Variants in PRELID2 observed in about 807,000 individuals in gnomAD.
PRELID2 encodes the protein PRELI domain containing 2, also known as PRELI domain-containing protein 2.
Under a neutral mutation model 28.4 loss-of-function variants are expected in PRELID2, and 25 were observed. That is an observed-to-expected ratio of 0.88 (90% CI 0.64 to 1.23). The LOEUF (loss-of-function observed/expected upper bound fraction) is 1.23. Ranked by LOEUF, PRELID2 falls within the 50% of genes most tolerant of loss-of-function variation. The pLI, the probability that PRELID2 is intolerant of heterozygous loss-of-function variation, is 0.00. For synonymous variants in PRELID2, 76 were observed against 71.6 expected, an observed-to-expected ratio of 1.06 and a Z score of -0.31; for missense variants, 201 against 214.4, an observed-to-expected ratio of 0.94 and a Z score of 0.39.
chr5:145,740,785 A>G (rs1229544296), intron 1 of PRELID2, among the ~76,000 whole-genome samples: 4 of 117,990 alleles, frequency 3.4e-5, no homozygotes, highest in Admixed American at 1.0e-4. Context: ...ATATTTATAC[A>G]TATCTTTATA....
chr5:145,397,138 A>C, the PRELID2 span, among the ~76,000 whole-genome samples: 53 of 152,234 alleles, frequency 3.5e-4, no homozygotes, highest in African/African-American at 1.2e-3. Context: ...CTATAATGGA[A>C]GTTATTGAGT....
In PRELID2 at chr5:145,797,212, C is replaced by T. The variant is rs76157611; in HGVS notation, c.369-665G>A. ...AGATGGCTGAATAGGAAGTCCCAAGCCTTCATTACCCTGAGAGACAATGAC... is the reference window on the plus strand; with the variant it reads ...AGATGGCTGAATAGGAAGTCCCAAGTCTTCATTACCCTGAGAGACAATGAC... On this transcript the variant is annotated intron_variant, in intron 4 of 6. Transcript: ENST00000683046. 1.7e-3 allele frequency among the ~76,000 whole-genome samples: 252 copies of T among 152,200 alleles called. 16 individuals are homozygous for T. In the East Asian group the frequency reaches 0.044, roughly 27 times the overall value.
intron 1 of PRELID2, among the ~76,000 whole-genome samples, chr5:145,581,828 G>A (rs1020134627): frequency 6.6e-6 from 1 of 152,020 alleles, no homozygotes; most frequent in Non-Finnish European, 1.5e-5. Context: ...CACATAGTGA[G>A]GGAAAACATC....
At chr5:145,234,946 G>T in the PRELID2 span, among the ~76,000 whole-genome samples, 6 of 151,908 alleles carry the variant, frequency 3.9e-5, no homozygotes, top group Admixed American at 6.6e-5. Context: ...TATTGAGACT[G>T]GTCCTCTTCG....
At chr5:145,244,396 G>A in the PRELID2 span, among the ~76,000 whole-genome samples, 1 of 152,060 alleles carries the variant, frequency 6.6e-6, no homozygotes, top group Admixed American at 6.6e-5. Context: ...CAAAGTGCCT[G>A]GCGGGTGGCA....
chr5:145,467,266 T>G (rs957060948), downstream of PRELID2, among the ~76,000 whole-genome samples: 27 of 152,254 alleles, frequency 1.8e-4, no homozygotes, highest in Admixed American at 1.7e-3. Context: ...CCACCAGCAC[T>G]GGAAGCCTCC....
chr5:145,420,015 A>C, the PRELID2 span, among the ~76,000 whole-genome samples: 1 of 151,972 alleles, frequency 6.6e-6, no homozygotes, highest in South Asian at 2.1e-4. Flanking sequence ...TGTTTTTCTC[A>C]AGTTTGTCAA....
At chr5:145,730,873 G>C (rs972432279) in intron 1 of PRELID2, among the ~76,000 whole-genome samples, 4 of 151,342 alleles carry the variant, frequency 2.6e-5, no homozygotes, top group African/African-American at 9.7e-5. Context: ...ACATCCCTCT[G>C]GCCGGAAAGA....
chr5:145,798,891 G>C (rs529099584), intron 4 of PRELID2, among the ~76,000 whole-genome samples: 21 of 152,236 alleles, frequency 1.4e-4, no homozygotes, highest in Admixed American at 3.9e-4. Flanking sequence ...GGGCCTAGGG[G>C]AGGGATAGCA....
chr5:145,464,094 T>G, the PRELID2 span, among the ~76,000 whole-genome samples: 1 of 152,128 alleles, frequency 6.6e-6, no homozygotes, highest in Non-Finnish European at 1.5e-5. Flanking sequence ...TTAAAGATAT[T>G]AAATCCACAG....
At chr5:145,770,826 T>G (rs935469328) in intron 5 of PRELID2, among the ~76,000 whole-genome samples, 2 of 152,246 alleles carry the variant, frequency 1.3e-5, no homozygotes, top group Admixed American at 6.5e-5. Context: ...CTGTGCAATG[T>G]GTTTGCGTTT....
At chr5:145,767,235 G>T (rs1757819921) in intron 5 of PRELID2, among the ~76,000 whole-genome samples, 1 of 150,776 alleles carries the variant, frequency 6.6e-6, no homozygotes, top group Admixed American at 6.7e-5. Flanking sequence ...GAAGCAGCTT[G>T]ACTTCAGAGG....
the PRELID2 span, among the ~76,000 whole-genome samples, chr5:145,386,948 T>C: frequency 6.6e-6 from 1 of 152,210 alleles, no homozygotes; most frequent in Non-Finnish European, 1.5e-5. Context: ...TTTTCCTTAC[T>C]GAACTCAACA....
chr5:145,322,782 T>G, the PRELID2 span, among the ~76,000 whole-genome samples: 1 of 152,030 alleles, frequency 6.6e-6, no homozygotes, highest in Non-Finnish European at 1.5e-5. Context: ...GCACGGTGGC[T>G]CATGCCTGTA....
intron 5 of PRELID2, among the ~76,000 whole-genome samples, chr5:145,768,284 A>C (rs1465901427): frequency 6.6e-6 from 1 of 151,858 alleles, no homozygotes; most frequent in East Asian, 1.9e-4. Flanking sequence ...GGGACGAAAC[A>C]ACCAGTGAAA....
intron 1 of PRELID2, among the ~76,000 whole-genome samples, chr5:145,534,192 G>A (rs1752680742): frequency 6.6e-6 from 1 of 151,986 alleles, no homozygotes; most frequent in South Asian, 2.1e-4. Flanking sequence ...CAGGTGATAA[G>A]ACTTCACTAA....
Position 145,819,379 on chromosome 5 carries a change from CT to C in PRELID2, c.207+565del, listed in dbSNP as rs759361765. 2.3e-5 allele frequency: 37 copies of C among 1,599,508 alleles called. No homozygotes were observed. The African/African-American group carries it at 3.2e-4, about 14-fold the overall frequency. On this transcript the variant is annotated intron_variant, in intron 3 of 6. Coordinates refer to ENST00000683046, the MANE Select transcript of PRELID2 (RefSeq NM_205846.3). ...AATGTGATTAAAAATTTCCACTCACCTTTTTCCAACAAAGAATCACCAGAGT... is the reference window on the plus strand; with the variant it reads ...AATGTGATTAAAAATTTCCACTCACCTTTTCCAACAAAGAATCACCAGAGT...
chr5:145,259,580 A>G, the PRELID2 span, among the ~76,000 whole-genome samples: 2 of 152,228 alleles, frequency 1.3e-5, no homozygotes, highest in African/African-American at 4.8e-5. Context: ...TTCGACTTGC[A>G]TGGAACATGT....
chr5:145,417,947 G>C, the PRELID2 span, among the ~76,000 whole-genome samples: 1 of 151,944 alleles, frequency 6.6e-6, no homozygotes, highest in South Asian at 2.1e-4. Context: ...GGAAGTGAGG[G>C]AGTCAAATTA....
Sources: allele counts gnomAD v4.1 joint callset (sites outside exome capture counted in the v4.1 genomes callset), GRCh38; gene constraint gnomAD v4.1.1; transcripts MANE v1.5; gene names NCBI Gene and HGNC (gene_info 2026-07-23, HGNC 2026-07-21).